Variants in MPP7 observed in about 807,000 individuals in gnomAD.
MPP7 encodes the protein MAGUK p55 scaffold protein 7.
MPP7 carries 60 observed loss-of-function variants against 76.5 expected under a neutral mutation model. The observed-to-expected ratio is 0.78, with a 90% CI of 0.64 to 0.97. MPP7 has a LOEUF of 0.97. Among genes scored for constraint, MPP7 ranks in the 50% least tolerant of loss-of-function variants. MPP7 has a pLI of 0.00. For missense variants in MPP7, 641 were observed against 694.0 expected (o/e 0.92, Z 0.86); for synonymous variants, 237 against 244.5 (o/e 0.97, Z 0.29).
intron 1 of MPP7, among the ~76,000 whole-genome samples, chr10:28,280,428 G>A (rs1840634744): frequency 6.6e-6 from 1 of 152,082 alleles, no homozygotes; most frequent in Admixed American, 6.5e-5. Context: ...GGGGAATCAT[G>A]ACAGAAAAAA....
At chr10:28,277,038 A>G (rs1371751734) in intron 1 of MPP7, among the ~76,000 whole-genome samples, 1 of 152,004 alleles carries the variant, frequency 6.6e-6, no homozygotes, top group Non-Finnish European at 1.5e-5. Context: ...ACAAAAAAAA[A>G]AATTCATTAG....
Position 28,119,729 on chromosome 10 carries a change from G to C in MPP7, c.888-14C>G. 3 of 1,610,102 alleles carry C rather than the reference G, an allele frequency of 1.9e-6. No individual in the cohort carries two copies. In the South Asian group the frequency reaches 3.3e-5, roughly 18 times the overall value. On this transcript the variant is annotated splice_polypyrimidine_tract_variant and intron_variant, in intron 10 of 16. Coordinates refer to ENST00000683449, the MANE Select transcript of MPP7 (RefSeq NM_001318170.2). ...AAAGCCAATCTCCTGGGAGAAAGAAGGTCAACATACCTATCAATTTTCAGC... is the reference window on the plus strand; with the variant it reads ...AAAGCCAATCTCCTGGGAGAAAGAACGTCAACATACCTATCAATTTTCAGC...
intron 1 of MPP7, among the ~76,000 whole-genome samples, chr10:28,288,887 G>A (rs1243870083): frequency 1.3e-5 from 2 of 152,188 alleles, no homozygotes; most frequent in Non-Finnish European, 2.9e-5. Flanking sequence ...GGCCTTATGA[G>A]CAGAATATTT....
At chr10:28,098,587 A>G (rs1853674475) in intron 11 of MPP7, among the ~76,000 whole-genome samples, 1 of 151,824 alleles carries the variant, frequency 6.6e-6, no homozygotes, top group South Asian at 2.1e-4. Flanking sequence ...ACATAAAAAT[A>G]TATGAACCAA....
chr10:28,162,584 T>C (rs914426696), intron 3 of MPP7, among the ~76,000 whole-genome samples: 3 of 152,054 alleles, frequency 2.0e-5, no homozygotes, highest in Admixed American at 6.6e-5. Flanking sequence ...AGAAAAACAG[T>C]GGGGAGCAGG....
intron 11 of MPP7, among the ~76,000 whole-genome samples, chr10:28,097,594 C>T (rs1853627148): frequency 6.6e-6 from 1 of 151,908 alleles, no homozygotes; most frequent in Non-Finnish European, 1.5e-5. Context: ...ACCCTATATA[C>T]ATAGATGCAT....
At chr10:28,173,994 C>A (rs1019630108) in intron 3 of MPP7, among the ~76,000 whole-genome samples, 1 of 152,150 alleles carries the variant, frequency 6.6e-6, no homozygotes, top group African/African-American at 2.4e-5. Flanking sequence ...AGCAGACGGT[C>A]CAGAAACAGT....
rs116546409 is a variant in MPP7, at chr10:28,323,599, C to T, written c.-132+6330G>A. Among the ~76,000 whole-genome samples the T allele has an allele frequency of 5.5e-3, 831 of 152,176 alleles. 12 individuals are homozygous for T. The highest frequency in any genetic ancestry group is 0.02 in the African/African-American group (813 of 41,536). ...GTGGCTCAAGCCTGTAATCCCAGTA[C>T]TTGGGGAGGCTAAGGTGAAGGGATC... On this transcript the variant is annotated intron_variant, in intron 2 of 11. Transcript: ENST00000441595.
chr10:28,314,981 C>G (rs61845947), intron 2 of MPP7, among the ~76,000 whole-genome samples: 24,436 of 151,842 alleles, frequency 0.16, 2,431 homozygotes, highest in African/African-American at 0.27. Context: ...GACCCAATAT[C>G]TACAAAAAAT....
chr10:28,224,775 A>G (rs10826428), intron 2 of MPP7, among the ~76,000 whole-genome samples: 26,392 of 152,160 alleles, frequency 0.17, 2,594 homozygotes, highest in African/African-American at 0.26. Context: ...TATCTGTGTT[A>G]GGAGAAGTTA....
At chr10:28,326,614 A>G (rs926348503) in intron 2 of MPP7, among the ~76,000 whole-genome samples, 4 of 152,220 alleles carry the variant, frequency 2.6e-5, no homozygotes, top group Non-Finnish European at 5.9e-5. Flanking sequence ...GCTAAGGCTA[A>G]TGTCACATGG....
rs531836111 is a variant in MPP7, at chr10:28,324,827, C to A, written c.-132+5102G>T. 1.2e-4 allele frequency among the ~76,000 whole-genome samples: 18 copies of A among 152,214 alleles called. No homozygotes were observed. In the South Asian group the frequency reaches 3.1e-3, roughly 26 times the overall value. ...GTGAATCTAGTCCTCACTATAAATC[C>A]TAGGAGATCAGTTATTAGCCCCTTT... On this transcript the variant is annotated intron_variant, in intron 2 of 11. Transcript: ENST00000441595.
At chr10:28,057,678 C>G in intron 15 of MPP7, 1 of 1,117,678 alleles carries the variant, frequency 8.9e-7, no homozygotes, top group Non-Finnish European at 1.1e-6. Context: ...AGCAGTGCAA[C>G]AAGGGACTAA....
chr10:28,301,746 G>C (rs1318058169), intron 1 of MPP7, among the ~76,000 whole-genome samples: 1 of 152,162 alleles, frequency 6.6e-6, no homozygotes, highest in Non-Finnish European at 1.5e-5. Context: ...AATTGATAGA[G>C]TGCTATGAGC....
intron 2 of MPP7, among the ~76,000 whole-genome samples, chr10:28,308,631 A>T (rs148559255): frequency 2.3e-4 from 35 of 152,226 alleles, no homozygotes; most frequent in African/African-American, 8.4e-4. Flanking sequence ...CCTATTAATT[A>T]TCTTGGTGTG....
rs1012603853 is a variant in MPP7, at chr10:28,317,434, G to A, written c.-132+12495C>T. Reference sequence around the variant, plus strand: ...TAGCCTCAACTACTTGCGAGGCTGAGGCAGGAGGATTACTTGAGCTCAAGA... The same window carrying A: ...TAGCCTCAACTACTTGCGAGGCTGAAGCAGGAGGATTACTTGAGCTCAAGA... On this transcript the variant is annotated intron_variant, in intron 2 of 11. Coordinates refer to the MPP7 transcript ENST00000441595. Among the ~76,000 whole-genome samples, 6 of 152,262 alleles carry A rather than the reference G, an allele frequency of 3.9e-5. No homozygotes were observed. In the East Asian group the frequency reaches 1.2e-3, roughly 29 times the overall value.
intron 2 of MPP7, among the ~76,000 whole-genome samples, chr10:28,232,011 A>G (rs139540718): frequency 1.0e-3 from 155 of 152,334 alleles, no homozygotes; most frequent in Non-Finnish European, 2.1e-4. Context: ...AGGATAGTAA[A>G]TTATGACCAA....
At position 28,214,386 on chromosome 10, in the gene MPP7, G is replaced by A. The variant is rs114592457; in HGVS notation, c.38-12115C>T. Among the ~76,000 whole-genome samples the A allele has an allele frequency of 9.6e-3, 1,467 of 152,144 alleles. 13 individuals are homozygous for A. Among genetic ancestry groups the A allele is most frequent in the African/African-American group, 0.034 (1,406 of 41,450 alleles). ...CTACCTGAAAGATGAAAGAAGCATG[G>A]TAACATGCTTACATCAAAGTTTCAT... On this transcript the variant is annotated intron_variant, in intron 2 of 16. Transcript: ENST00000683449.
chr10:28,225,120 C>A (rs1446337264), intron 2 of MPP7, among the ~76,000 whole-genome samples: 2 of 152,136 alleles, frequency 1.3e-5, no homozygotes, highest in African/African-American at 4.8e-5. Context: ...GGAATTTCCA[C>A]ATACAGAAGA....
Sources: allele counts gnomAD v4.1 joint callset (sites outside exome capture counted in the v4.1 genomes callset), GRCh38; gene constraint gnomAD v4.1.1; transcripts MANE v1.5; gene names NCBI Gene and HGNC (gene_info 2026-07-23, HGNC 2026-07-21).